LRIG3: variants seen among roughly 807,000 people sequenced by gnomAD.
The protein encoded by LRIG3 is leucine rich repeats and immunoglobulin like domains 3.
Under a neutral mutation model 114.5 loss-of-function variants are expected in LRIG3, and 76 were observed. The observed-to-expected ratio is 0.66, with a 90% CI of 0.55 to 0.80. The LOEUF (loss-of-function observed/expected upper bound fraction) is 0.80. Among genes scored for constraint, LRIG3 ranks in the 30% least tolerant of loss-of-function variants. LRIG3 has a pLI of 0.00. For synonymous variants in LRIG3, 512 were observed against 519.8 expected, an observed-to-expected ratio of 0.98 and a Z score of 0.20; for missense variants, 1,239 against 1,382.8, an observed-to-expected ratio of 0.90 and a Z score of 1.65.
chr12:58,893,793 C>T (rs866968345), intron 3 of LRIG3, among the ~76,000 whole-genome samples: 4 of 152,128 alleles, frequency 2.6e-5, no homozygotes, highest in African/African-American at 4.8e-5. Flanking sequence ...CTGAAGTGCC[C>T]GAGTGCCCCT....
chr12:58,892,255 T>C (rs1025095892), intron 3 of LRIG3, among the ~76,000 whole-genome samples: 10 of 152,210 alleles, frequency 6.6e-5, no homozygotes, highest in Admixed American at 5.9e-4. Flanking sequence ...GTAGAAAGGA[T>C]ACCTACAAAT....
intron 12 of LRIG3, among the ~76,000 whole-genome samples, chr12:58,882,566 A>G (rs1446812880): frequency 6.6e-6 from 1 of 152,174 alleles, no homozygotes; most frequent in Non-Finnish European, 1.5e-5. Flanking sequence ...AGAGACTAAT[A>G]TTTAGGGAAT....
At chr12:58,903,815 A>C (rs1871959070) in intron 3 of LRIG3, among the ~76,000 whole-genome samples, 1 of 152,004 alleles carries the variant, frequency 6.6e-6, no homozygotes. Context: ...GCATTTATTA[A>C]ATAGGGAATC....
Position 58,887,885 on chromosome 12 carries a change from A to C in LRIG3, c.995T>G (p.Leu332Arg), listed in dbSNP as rs946263423. Residue 332 changes from leucine to arginine, a missense_variant, in exon 8 of 19, where the codon CTT (leucine) becomes CGT (arginine). By Grantham distance (102) the Leu-to-Arg change is moderately radical. Transcript: ENST00000320743. ...CAGTGTATTTAGTAAGCTTAGGCCAAGGAAGCTTGAATCATCTAACCTTGA... is the reference window on the plus strand; with the variant it reads ...CAGTGTATTTAGTAAGCTTAGGCCACGGAAGCTTGAATCATCTAACCTTGA... ...HLSRLDDSSF[L>R]GLSLLNTLHI... 4 of 1,613,922 alleles carry C rather than the reference A, an allele frequency of 2.5e-6. No homozygotes were observed. The highest frequency in any genetic ancestry group is 3.4e-6 in the Non-Finnish European group (4 of 1,179,840).
At chr12:58,901,885 G>A (rs1871863964) in intron 3 of LRIG3, among the ~76,000 whole-genome samples, 1 of 152,190 alleles carries the variant, frequency 6.6e-6, no homozygotes, top group Non-Finnish European at 1.5e-5. Flanking sequence ...TGATTAAGGA[G>A]AGGGCAGTCA....
chr12:58,879,281 A>G (rs1871038171), intron 13 of LRIG3, among the ~76,000 whole-genome samples, 176 bp from the exon 14 acceptor site: 1 of 152,232 alleles, frequency 6.6e-6, no homozygotes, highest in South Asian at 2.1e-4. Context: ...GGAAAGATTA[A>G]AAGGCTTGCT....
chr12:58,903,577 C>A (rs1024232103), intron 3 of LRIG3, among the ~76,000 whole-genome samples: 36 of 152,000 alleles, frequency 2.4e-4, no homozygotes, highest in African/African-American at 8.7e-4. Flanking sequence ...TAATTAGATC[C>A]CATTTGTCAA....
chr12:58,882,164 TA>T (rs1871147257), intron 12 of LRIG3, among the ~76,000 whole-genome samples: 1 of 152,222 alleles, frequency 6.6e-6, no homozygotes, highest in Non-Finnish European at 1.5e-5. Flanking sequence ...CATGCTTAAA[TA>T]AAAGCAAATT....
intron 6 of LRIG3, 57 bp downstream of exon 6, chr12:58,888,762 C>A: frequency 1.3e-6 from 2 of 1,578,824 alleles, no homozygotes; most frequent in Non-Finnish European, 1.7e-6. Context: ...GCTGAATGTA[C>A]ACTGAGCATT....
At chr12:58,883,111 A>C (rs1871171640) in intron 11 of LRIG3, 79 bp from the exon 12 acceptor site, 1 of 1,401,066 alleles carries the variant, frequency 7.1e-7, no homozygotes, top group East Asian at 2.4e-5. Flanking sequence ...AGTAAATATT[A>C]ACAAAGCAAT....
intron 3 of LRIG3, among the ~76,000 whole-genome samples, chr12:58,898,294 A>G (rs1203137808): frequency 6.6e-6 from 1 of 152,182 alleles, no homozygotes; most frequent in Non-Finnish European, 1.5e-5. Context: ...TCACCTGTAA[A>G]CAGAGGGAAA....
At chr12:58,894,249 G>GC (rs1772278039) in intron 3 of LRIG3, among the ~76,000 whole-genome samples, 1 of 152,178 alleles carries the variant, frequency 6.6e-6, no homozygotes, top group African/African-American at 2.4e-5. Context: ...TGCTGTCTTT[G>GC]TCAGCACTGC....
chr12:58,875,400 T>C (rs985308033), intron 16 of LRIG3, among the ~76,000 whole-genome samples: 2 of 152,228 alleles, frequency 1.3e-5, no homozygotes, highest in African/African-American at 4.8e-5. Context: ...CAAGCACTTT[T>C]AGTTTATCCA....
chr12:58,884,284 C>G (rs113011380), intron 10 of LRIG3, among the ~76,000 whole-genome samples: 136 of 152,288 alleles, frequency 8.9e-4, no homozygotes, highest in African/African-American at 3.2e-3. Flanking sequence ...TCTCTTTATA[C>G]AGAGACTTAT....
chr12:58,916,089 C>T (rs1182202306), intron 1 of LRIG3, among the ~76,000 whole-genome samples: 1 of 152,114 alleles, frequency 6.6e-6, no homozygotes, highest in Non-Finnish European at 1.5e-5. Context: ...AACACTAAAA[C>T]TGAGGATTAA....
At chr12:58,873,113 TAA>T (rs923841649) in intron 18 of LRIG3, among the ~76,000 whole-genome samples, 2 of 152,126 alleles carry the variant, frequency 1.3e-5, no homozygotes, top group African/African-American at 4.8e-5. Context: ...TTCCCCAATA[TAA>T]GTTTCCCCAC....
At chr12:58,904,013 T>A (rs1178162670) in intron 3 of LRIG3, among the ~76,000 whole-genome samples, 1 of 152,240 alleles carries the variant, frequency 6.6e-6, no homozygotes, top group East Asian at 1.9e-4. Flanking sequence ...GCCTCCAGCT[T>A]TGTTCTTTTG....
chr12:58,882,931 G>A lies in LRIG3; in HGVS notation c.1418C>T (p.Ala473Val), dbSNP rs762408557. The stretch of plus-strand genomic sequence containing the variant: ...TCTTCCTTTTAGCAGCTGAGGATGG[G>A]CACAACTGGCATTTACAAAGCTCTG... Reference protein sequence around the residue: ...NFQSFVNASCAHPQLLKGRSI... With the variant: ...NFQSFVNASCVHPQLLKGRSI... The change falls in exon 12 of 19, where the codon GCC (alanine) becomes GTC (valine). Residue 473 changes from alanine (A) to valine (V), a missense_variant. Coordinates refer to ENST00000320743, the MANE Select transcript of LRIG3 (RefSeq NM_153377.5). 1 of 1,614,110 alleles carries A rather than the reference G, an allele frequency of 6.2e-7. No individual in the cohort carries two copies. The highest frequency in any genetic ancestry group is 1.3e-5 in the African/African-American group (1 of 75,052).
Position 58,885,862 on chromosome 12 carries a change from CT to C in LRIG3, c.1212del (p.Ala405ProfsTer11). 5 of 1,591,118 alleles carry C rather than the reference CT, an allele frequency of 3.1e-6. No individual in the cohort carries two copies. The highest frequency in any genetic ancestry group is 4.6e-5 in the East Asian group (2 of 43,774). On this transcript the variant is annotated frameshift_variant, in exon 10 of 19. Coordinates refer to ENST00000320743, the MANE Select transcript of LRIG3 (RefSeq NM_153377.5). LOFTEE classifies it high-confidence loss of function. ...TCCAATGCATCCAAACCAGTGAAGG[CT>C]TTTTTAGTAATAGAACGGATCCGAT... ...QGNRIRSITK[K>X]AFTGLDALEH... is the part of the protein sequence containing the mutation.
Sources: gnomAD v4.1 joint callset for allele counts (sites outside exome capture counted in the v4.1 genomes callset) on GRCh38, gnomAD v4.1.1 for gene constraint, MANE v1.5 for transcripts, NCBI Gene and HGNC (gene_info 2026-07-23, HGNC 2026-07-21) for gene names.